The following ETV6 variants were observed in gnomAD, a reference collection of about 807,000 sequenced individuals.
ETV6 encodes transcription factor ETV6.
ETV6 carries 16 observed loss-of-function variants against 51.1 expected under a neutral mutation model. The ratio of observed to expected loss-of-function variants is 0.31; its 90% CI spans 0.21 to 0.48. The LOEUF (loss-of-function observed/expected upper bound fraction) is 0.48, where lower values mean the gene tolerates loss of function less well. Among genes scored for constraint, ETV6 ranks in the 20% least tolerant of loss-of-function variants. The pLI is 0.99. For synonymous variants in ETV6, 240 were observed against 224.1 expected (o/e 1.07, Z -0.64); for missense variants, 458 against 594.8 (o/e 0.77, Z 2.39).
At chr12:11,804,472 T>C (rs1591685504) in intron 2 of ETV6, among the ~76,000 whole-genome samples, 1 of 149,086 alleles carries the variant, frequency 6.7e-6, no homozygotes. Flanking sequence ...ACCCTGATCT[T>C]TTTGCTATTC....
intron 2 of ETV6, among the ~76,000 whole-genome samples, chr12:11,808,658 G>T (rs1202144884): frequency 6.6e-6 from 1 of 152,160 alleles, no homozygotes; most frequent in Non-Finnish European, 1.5e-5. Flanking sequence ...TGGGCGGGGG[G>T]TCCTGGAGCC....
At chr12:11,843,487 T>C (rs1946418644) in intron 3 of ETV6, among the ~76,000 whole-genome samples, 1 of 152,206 alleles carries the variant, frequency 6.6e-6, no homozygotes, top group Non-Finnish European at 1.5e-5. Flanking sequence ...TCTCACCACA[T>C]GGATCCTAAG....
At position 11,772,301 on chromosome 12, in the gene ETV6, G is replaced by C. The variant is rs1051228026; in HGVS notation, c.163+19722G>C. ...TCACTGTTTATCTTAAACCACAAGA[G>C]AATGTTTTTGAATTCAGAAGAACAG... On this transcript the variant is annotated intron_variant, in intron 2 of 7. Transcript: ENST00000396373. Among the ~76,000 whole-genome samples the C allele has an allele frequency of 7.9e-5, 12 of 152,302 alleles. No homozygotes were observed. The East Asian group carries it at 2.3e-3, about 29-fold the overall frequency.
In ETV6 at chr12:11,650,023, T is replaced by G; in HGVS notation, c.-105T>G. 1 of 1,084,976 alleles carries G rather than the reference T, an allele frequency of 9.2e-7. No homozygotes were observed. Among genetic ancestry groups the G allele is most frequent in the Non-Finnish European group, 1.4e-6 (1 of 703,256 alleles). The allele number at this position is 1,084,976 out of a possible 1,614,324, so 67.2% of individuals were successfully genotyped here. A position where few individuals can be genotyped will look rare whatever the true frequency, so the allele number is the denominator to read the frequency against. The stretch of plus-strand genomic sequence containing the variant: ...GCCGGGAGAGATGCTGGAAGAAACT[T>G]CTTAAATGACCGCGTCTGGCTGGCC... On this transcript the variant is annotated 5_prime_UTR_variant, in exon 1 of 8. Transcript: ENST00000396373.
At chr12:11,778,033 G>A (rs564305213) in intron 2 of ETV6, among the ~76,000 whole-genome samples, 44 of 152,284 alleles carry the variant, frequency 2.9e-4, no homozygotes, top group Middle Eastern at 3.4e-3. Flanking sequence ...TTATGAATGG[G>A]TGGATCTCAC....
At chr12:11,728,135 C>T (rs915262428) in intron 1 of ETV6, among the ~76,000 whole-genome samples, 6 of 152,204 alleles carry the variant, frequency 3.9e-5, no homozygotes, top group Non-Finnish European at 7.4e-5. Context: ...CTTCTTATAA[C>T]ACTTGAGGCC....
At chr12:11,726,001 C>T (rs1865481614) in intron 1 of ETV6, among the ~76,000 whole-genome samples, 1 of 152,222 alleles carries the variant, frequency 6.6e-6, no homozygotes, top group Non-Finnish European at 1.5e-5. Flanking sequence ...ATGACTAAGA[C>T]AGTTAACTTC....
chr12:11,777,218 T>C (rs11054453), intron 2 of ETV6, among the ~76,000 whole-genome samples: 2,244 of 122,876 alleles, frequency 0.018, 22 homozygotes, highest in Non-Finnish European at 0.027. Flanking sequence ...CCAGCCTGGG[T>C]GACAGAGTGA....
At chr12:11,753,015 CT>C in intron 2 of ETV6, 1 of 153,362 alleles carries the variant, frequency 6.5e-6, no homozygotes, top group Non-Finnish European at 1.5e-5. Flanking sequence ...TGCGCTCGTC[CT>C]TTCTTTCCAG....
chr12:11,753,427 A>G (rs144101216), intron 2 of ETV6, among the ~76,000 whole-genome samples: 146 of 152,296 alleles, frequency 9.6e-4, no homozygotes, highest in Non-Finnish European at 1.2e-3. Context: ...CCCTCTTCAC[A>G]GTGTCCAAGA....
intron 1 of ETV6, among the ~76,000 whole-genome samples, chr12:11,701,034 C>G (rs1864970315): frequency 6.6e-6 from 1 of 151,234 alleles, no homozygotes; most frequent in Non-Finnish European, 1.5e-5. Context: ...TAAACAAATT[C>G]AAAGCCACTG....
chr12:11,752,594 C>A lies in ETV6; in HGVS notation c.163+15C>A. On this transcript the variant is annotated intron_variant, in intron 2 of 7. Transcript: ENST00000396373. ...TGCGCACCTGCGTGAGTGTTCGTGA[C>A]CCGAGAGGGACAGAGGATTGATGGC... 6.2e-7 allele frequency: 1 copy of A among 1,607,178 alleles called. No homozygotes were observed. The highest frequency in any genetic ancestry group is 8.5e-7 in the Non-Finnish European group (1 of 1,177,712).
At chr12:11,739,031 T>G (rs12828066) in intron 1 of ETV6, among the ~76,000 whole-genome samples, 37,865 of 152,052 alleles carry the variant, frequency 0.25, 5,883 homozygotes, top group East Asian at 0.37. Context: ...CTGAACCAAC[T>G]TGTTTTTCAG....
At position 11,863,969 on chromosome 12, in the gene ETV6, ATGTT is replaced by A. The variant is rs139213709; in HGVS notation, c.464-5454_464-5451del. Among the ~76,000 whole-genome samples, 1,394 of 152,292 alleles carry A rather than the reference ATGTT, an allele frequency of 9.2e-3. 21 individuals are homozygous for A. The highest frequency in any genetic ancestry group is 0.032 in the African/African-American group (1,324 of 41,548). The stretch of plus-strand genomic sequence containing the variant: ...CCTCGGATCCAGTTCTCTACTGTTA[ATGTT>A]ATCAGCTTCATCAAGTACTTCCTCT... On this transcript the variant is annotated intron_variant, in intron 4 of 7. Transcript: ENST00000396373.
chr12:11,850,097 C>T (rs1015664445), intron 3 of ETV6, among the ~76,000 whole-genome samples: 3 of 152,178 alleles, frequency 2.0e-5, no homozygotes, highest in African/African-American at 7.2e-5. Context: ...CCCGTAGCCG[C>T]CTCATGGATA....
chr12:11,713,728 A>G (rs763136142), intron 1 of ETV6, among the ~76,000 whole-genome samples: 3 of 152,184 alleles, frequency 2.0e-5, no homozygotes, highest in Non-Finnish European at 2.9e-5. Flanking sequence ...TATCTGGAAT[A>G]TATATTTATT....
chr12:11,691,079 C>T (rs1474277187), intron 1 of ETV6, among the ~76,000 whole-genome samples: 1 of 152,024 alleles, frequency 6.6e-6, no homozygotes, highest in African/African-American at 2.4e-5. Context: ...TAAGGGCCCT[C>T]TCCTGGGTTT....
intron 1 of ETV6, among the ~76,000 whole-genome samples, chr12:11,749,628 G>A (rs978460784): frequency 3.9e-5 from 6 of 152,168 alleles, no homozygotes; most frequent in Admixed American, 1.3e-4. Flanking sequence ...TGTTAAGTGC[G>A]AGGTTATTGC....
At chr12:11,865,585 ATATAT>A (rs911838685) in intron 4 of ETV6, among the ~76,000 whole-genome samples, 41 of 148,358 alleles carry the variant, frequency 2.8e-4, no homozygotes, top group African/African-American at 6.6e-4. Flanking sequence ...CGTATATATA[ATATAT>A]TATATATATT....
Sources: gnomAD v4.1 joint callset for allele counts (sites outside exome capture counted in the v4.1 genomes callset) on GRCh38, gnomAD v4.1.1 for gene constraint, MANE v1.5 for transcripts, NCBI Gene and HGNC (gene_info 2026-07-23, HGNC 2026-07-21) for gene names.